The following GLB1L2 variants were observed in gnomAD, a reference collection of about 807,000 sequenced individuals.
GLB1L2 encodes beta-galactosidase-1-like protein 2.
GLB1L2 carries 68 observed loss-of-function variants against 84.1 expected under a neutral mutation model. That is an observed-to-expected ratio of 0.81 (90% CI 0.67 to 0.99). The LOEUF (loss-of-function observed/expected upper bound fraction) is 0.99, where lower values mean the gene tolerates loss of function less well. Ranked by LOEUF, GLB1L2 falls within the 50% of genes least tolerant of loss-of-function variation. GLB1L2 has a pLI of 0.00. For missense variants in GLB1L2, 762 were observed against 805.6 expected (o/e 0.95, Z 0.66); for synonymous variants, 290 against 318.0 (o/e 0.91, Z 0.94).
Position 134,370,431 on chromosome 11 carries a change from G to T in GLB1L2, c.1215+32G>T. ...GCTGTGGGCAGTCATCGGGAGGTGA[G>T]TGAGTGCCGGGGGCAGTCGTTGGCA... On this transcript the variant is annotated intron_variant, in intron 12 of 18. Coordinates refer to ENST00000535456, the MANE Select transcript of GLB1L2 (RefSeq NM_001370461.1). This position sits in a 1 kb window ranked among gnomAD's most constrained non-coding sequence, Gnocchi z 4.7. 6.4e-7 allele frequency: 1 copy of T among 1,551,794 alleles called. No individual in the cohort carries two copies.
At chr11:134,351,841 G>GA (rs1943639617) in intron 5 of GLB1L2, among the ~76,000 whole-genome samples, 2 of 151,876 alleles carry the variant, frequency 1.3e-5, no homozygotes, top group Non-Finnish European at 1.5e-5. Flanking sequence ...TGTAATAAAA[G>GA]AAAAAAGTGT....
At chr11:134,356,950 A>G (rs532392653) in intron 6 of GLB1L2, among the ~76,000 whole-genome samples, 1 of 151,264 alleles carries the variant, frequency 6.6e-6, no homozygotes, top group South Asian at 2.1e-4. Flanking sequence ...ACCTTGAACA[A>G]ATGCCTCGAG....
At chr11:134,363,991 C>T (rs1177339995) in intron 7 of GLB1L2, among the ~76,000 whole-genome samples, 12 of 152,214 alleles carry the variant, frequency 7.9e-5, no homozygotes, top group Non-Finnish European at 1.6e-4. Context: ...GATCCTCCCA[C>T]CTCAGCCTCC....
At chr11:134,332,418 A>G (rs1392231298) in intron 1 of GLB1L2, among the ~76,000 whole-genome samples, 1 of 151,298 alleles carries the variant, frequency 6.6e-6, no homozygotes, top group African/African-American at 2.4e-5. Flanking sequence ...CGCGCCTGTG[A>G]CGCCGGGCTC....
intron 5 of GLB1L2, among the ~76,000 whole-genome samples, chr11:134,355,377 T>C (rs1943687430): frequency 6.6e-6 from 1 of 152,222 alleles, no homozygotes; most frequent in Admixed American, 6.5e-5. Context: ...CATACTTCCC[T>C]GTTTCTTTTT....
At position 134,345,053 on chromosome 11, in the gene GLB1L2, G is replaced by A. The variant is rs141480972; in HGVS notation, c.373G>A (p.Ala125Thr). The change falls in exon 4 of 19, where the codon GCA becomes ACA. Residue 125 changes from alanine (A) to threonine (T), a missense_variant. Coordinates refer to ENST00000535456, the MANE Select transcript of GLB1L2 (RefSeq NM_001370461.1). ...LDLEAFVLMA[A>T]EIGLWVILRP... ...CCCTAGGGCCTTCGTCCTGATGGCC[G>A]CAGAGATCGGGCTGTGGGTGATTCT... The A allele has an allele frequency of 2.1e-5, 34 of 1,612,818 alleles. No homozygotes were observed. In the African/African-American group the frequency reaches 2.3e-4, roughly 11 times the overall value.
chr11:134,368,919 T>C (rs532540966), intron 10 of GLB1L2, 138 bp downstream of exon 10: 10 of 862,056 alleles, frequency 1.2e-5, no homozygotes, highest in Non-Finnish European at 1.8e-5. Context: ...GGTACTTGCC[T>C]GGACAGTCAT....
Position 134,370,391 on chromosome 11 carries a change from C to G in GLB1L2, c.1207C>G (p.Leu403Val), listed in dbSNP as rs140377647. 46 of 1,612,462 alleles carry G rather than the reference C, an allele frequency of 2.9e-5. No homozygotes were observed. The African/African-American group carries it at 5.5e-4, about 19-fold the overall frequency. ...GTCTCTGTGGGACGCCCTCAAGTAC[C>G]TGGGGGAGGTGAGTGCTGTGGGCAG... is the stretch of plus-strand genomic sequence containing the variant. ...YLSLWDALKY[L>V]GEPIKSEKPI... Residue 403 changes from leucine to valine, a missense_variant, in exon 12 of 19, where the codon CTG (leucine) becomes GTG (valine). Physicochemically the swap from Leu to Val is conservative, Grantham distance 32. Transcript: ENST00000535456. This position sits in a 1 kb window ranked among gnomAD's most constrained non-coding sequence, Gnocchi z 4.7.
chr11:134,332,524 T>C (rs1943316408), intron 1 of GLB1L2, among the ~76,000 whole-genome samples: 1 of 151,908 alleles, frequency 6.6e-6, no homozygotes. Context: ...GAGAGCTCCC[T>C]CTGCCCTTCC....
chr11:134,333,250 G>C (rs1037998235), intron 1 of GLB1L2, among the ~76,000 whole-genome samples: 1 of 152,144 alleles, frequency 6.6e-6, no homozygotes, highest in African/African-American at 2.4e-5. Context: ...TTCTCATTCT[G>C]GGGCCCAGAA....
At chr11:134,368,856 T>G (rs78013315) in intron 10 of GLB1L2, 75 bp downstream of exon 10, 1 of 1,525,510 alleles carries the variant, frequency 6.6e-7, no homozygotes, top group African/African-American at 1.4e-5. Flanking sequence ...GGAGAGGCCC[T>G]CAGGGTCAAC....
intron 5 of GLB1L2, among the ~76,000 whole-genome samples, chr11:134,348,846 G>A (rs148843398): frequency 4.6e-5 from 7 of 152,232 alleles, no homozygotes; most frequent in Non-Finnish European, 7.4e-5. Flanking sequence ...GGGCATATAC[G>A]GCCATCTTCT....
At chr11:134,369,677 A>C in intron 10 of GLB1L2, 128 bp from the exon 11 acceptor site, 1 of 738,316 alleles carries the variant, frequency 1.4e-6, no homozygotes, top group Admixed American at 2.3e-5. Flanking sequence ...TGAATGGCTC[A>C]AAAGTGTCTT....
chr11:134,374,425 G>A (rs1168401421), intron 17 of GLB1L2, among the ~76,000 whole-genome samples, 169 bp downstream of exon 17: 1 of 152,134 alleles, frequency 6.6e-6, no homozygotes, highest in Non-Finnish European at 1.5e-5. Context: ...CCCAGCAGAA[G>A]AAACACCTCA....
intron 5 of GLB1L2, among the ~76,000 whole-genome samples, chr11:134,355,699 T>C (rs1332494943): frequency 6.6e-6 from 1 of 152,200 alleles, no homozygotes; most frequent in Non-Finnish European, 1.5e-5. Flanking sequence ...CCCCCAGGCA[T>C]CCAAGGCTTT....
In GLB1L2 at chr11:134,345,137, G is replaced by A. The variant is rs770800644; in HGVS notation, c.449+8G>A. On this transcript the variant is annotated splice_region_variant and intron_variant, in intron 4 of 18. Coordinates refer to ENST00000535456, the MANE Select transcript of GLB1L2 (RefSeq NM_001370461.1). ...CCTCGGGGGCTTGCCCAGGTAAGCG[G>A]GGTTGTGAAGGGTCCTGTGTGCTGT... The A allele has an allele frequency of 1.7e-5, 28 of 1,603,662 alleles. No homozygotes were observed. The highest frequency in any genetic ancestry group is 2.3e-5 in the Non-Finnish European group (27 of 1,173,930).
At chr11:134,344,749 G>A (rs553842526) in intron 3 of GLB1L2, among the ~76,000 whole-genome samples, 18 of 152,354 alleles carry the variant, frequency 1.2e-4, no homozygotes, top group East Asian at 5.8e-4. Context: ...GGGGCAGGGC[G>A]GCCCCTCTAG....
rs1326827372 is a variant in GLB1L2, at chr11:134,371,888, T to A, written c.1507+58T>A. On this transcript the variant is annotated intron_variant, in intron 15 of 18. Coordinates refer to ENST00000535456, the MANE Select transcript of GLB1L2 (RefSeq NM_001370461.1). Reference sequence around the variant, plus strand: ...CCATGCTGGACACACAGGTGGCTATTGCTTCTCTATGCTAGCAGGCCACCA... The same window carrying A: ...CCATGCTGGACACACAGGTGGCTATAGCTTCTCTATGCTAGCAGGCCACCA... 13 of 1,517,174 alleles carry A rather than the reference T, an allele frequency of 8.6e-6. 1 individual carries two copies. Among genetic ancestry groups the A allele is most frequent in the Middle Eastern group, 1.8e-4 (1 of 5,694 alleles). 94.0% of individuals were successfully genotyped at this position (1,517,174 alleles called of 1,614,324 possible). A position where few individuals can be genotyped will look rare whatever the true frequency, so the allele number is the denominator to read the frequency against.
At chr11:134,369,681 G>A (rs1943919791) in intron 10 of GLB1L2, 124 bp from the exon 11 acceptor site, 1 of 745,518 alleles carries the variant, frequency 1.3e-6, no homozygotes, top group South Asian at 2.0e-5. Flanking sequence ...TGGCTCAAAA[G>A]TGTCTTGCCT....
Sources: allele counts gnomAD v4.1 joint callset (sites outside exome capture counted in the v4.1 genomes callset), GRCh38; gene constraint gnomAD v4.1.1; non-coding constraint Gnocchi (gnomAD v3.1); transcripts MANE v1.5; gene names NCBI Gene and HGNC (gene_info 2026-07-23, HGNC 2026-07-21).